The following SLK variants were observed in gnomAD, a reference collection of about 807,000 sequenced individuals.
SLK encodes the protein STE20 like kinase, also known as STE20-like serine/threonine-protein kinase.
Under a neutral mutation model 147.7 loss-of-function variants are expected in SLK, and 67 were observed. The ratio of observed to expected loss-of-function variants is 0.45; its 90% CI spans 0.37 to 0.56. SLK has a LOEUF of 0.56. SLK is among the 20% of genes least tolerant of loss of function. SLK has a pLI of 0.00. For synonymous variants in SLK, 441 were observed against 475.0 expected, an observed-to-expected ratio of 0.93 and a Z score of 0.93; for missense variants, 1,136 against 1,438.8, an observed-to-expected ratio of 0.79 and a Z score of 3.41.
intron 18 of SLK, among the ~76,000 whole-genome samples, chr10:104,023,923 A>G (rs923509917): frequency 6.6e-6 from 1 of 152,242 alleles, no homozygotes; most frequent in African/African-American, 2.4e-5. Flanking sequence ...GTATAAACTC[A>G]GTAGAGAGAA....
chr10:104,008,861 C>T (rs1361461718), intron 12 of SLK, among the ~76,000 whole-genome samples: 1 of 152,036 alleles, frequency 6.6e-6, no homozygotes, highest in Non-Finnish European at 1.5e-5. Context: ...AGCTTTATTG[C>T]CTTTCATGGG....
Position 103,975,797 on chromosome 10 carries a change from C to T in SLK, c.150+7902C>T, listed in dbSNP as rs75704375. Among the ~76,000 whole-genome samples the T allele has an allele frequency of 6.8e-3, 1,028 of 152,210 alleles. 6 individuals carry two copies. The highest frequency in any genetic ancestry group is 0.031 in the Middle Eastern group (9 of 294). ...TATGTTAAAAATATGATTCACGGCC[C>T]GGTGCAGGGGCTCACGCCTGTAATC... On this transcript the variant is annotated intron_variant, in intron 1 of 18. Transcript: ENST00000369755.
chr10:103,990,607 A>G, intron 1 of SLK, 68 bp from the exon 2 acceptor site: 1 of 917,872 alleles, frequency 1.1e-6, no homozygotes, highest in Middle Eastern at 3.2e-4. Context: ...CTTAAAATCT[A>G]TTAAAATAAT....
intron 17 of SLK, among the ~76,000 whole-genome samples, chr10:104,020,983 T>G (rs1013544993): frequency 4.6e-5 from 7 of 152,232 alleles, no homozygotes; most frequent in African/African-American, 1.7e-4. Context: ...TTAAAATTTC[T>G]TTTCCATTTA....
At position 104,025,854 on chromosome 10, in the gene SLK, TTTTTTG is replaced by T; in HGVS notation, c.*139_*144del. ...CTTCTAGGTGTTTTCCTTTTTTGTT[TTTTTTG>T]TTTTGTTTTGTTTTTAAGCAAAGAT... On this transcript the variant is annotated 3_prime_UTR_variant, in exon 19 of 19. Transcript: ENST00000369755. 1.3e-6 allele frequency: 1 copy of T among 781,520 alleles called. No homozygotes were observed. Among genetic ancestry groups the T allele is most frequent in the Non-Finnish European group, 1.9e-6 (1 of 517,830 alleles). 48.4% of individuals were successfully genotyped at this position (781,520 alleles called of 1,614,324 possible).
Position 103,999,251 on chromosome 10 carries a change from A to G in SLK, c.720A>G (p.Pro240=), listed in dbSNP as rs376604412. ...AACCACCTCATCATGAATTAAATCCAATGCGAGTGCTGCTAAAAATAGCAA... is the reference window on the plus strand; with the variant it reads ...AACCACCTCATCATGAATTAAATCCGATGCGAGTGCTGCTAAAAATAGCAA... ...EIEPPHHELN[P]MRVLLKIAKS... Residue 240 remains proline, a synonymous_variant, in exon 6 of 19, where the codon CCA becomes CCG. Coordinates refer to ENST00000369755, the MANE Select transcript of SLK (RefSeq NM_014720.4). The G allele has an allele frequency of 9.3e-6, 15 of 1,613,806 alleles. No homozygotes were observed. In the African/African-American group the frequency reaches 1.9e-4, roughly 20 times the overall value.
In SLK at chr10:103,998,899, C is replaced by G; in HGVS notation, c.515C>G (p.Ala172Gly). 1.9e-6 allele frequency: 3 copies of G among 1,606,766 alleles called. No homozygotes were observed. The highest frequency in any genetic ancestry group is 2.6e-6 in the Non-Finnish European group (3 of 1,173,868). Residue 172 changes from alanine (A) to glycine (G), a missense_variant and splice_region_variant, in exon 5 of 19, where the codon GCG (alanine) becomes GGG (glycine). Physicochemically the swap from Ala to Gly is moderately conservative, Grantham distance 60. Transcript: ENST00000369755. Reference protein sequence around the residue: ...LFTLDGDIKLADFGVSAKNTR... With the variant: ...LFTLDGDIKLGDFGVSAKNTR... The stretch of plus-strand genomic sequence containing the variant: ...AATGCTTTTGTGTGATTATTTCAAG[C>G]GGATTTTGGAGTATCAGCTAAAAAC...
chr10:103,998,708 A>AG (rs1326711374), intron 4 of SLK, among the ~76,000 whole-genome samples, 191 bp from the exon 5 acceptor site: 1 of 152,164 alleles, frequency 6.6e-6, no homozygotes, highest in Non-Finnish European at 1.5e-5. Flanking sequence ...GATCTTTAGC[A>AG]GGTTTTTTTG....
At chr10:103,995,130 C>T (rs1844150008) in intron 4 of SLK, among the ~76,000 whole-genome samples, 1 of 152,118 alleles carries the variant, frequency 6.6e-6, no homozygotes, top group Admixed American at 6.6e-5. Context: ...AAGATAATGA[C>T]TTGGCTGTCT....
chr10:103,978,679 TA>T (rs1843901833), intron 1 of SLK, among the ~76,000 whole-genome samples: 1 of 152,222 alleles, frequency 6.6e-6, no homozygotes, highest in South Asian at 2.1e-4. Context: ...TGTTTCTTAC[TA>T]ACGTGTTTTT....
chr10:104,001,903 A>T (rs1844253222), intron 8 of SLK, among the ~76,000 whole-genome samples: 1 of 152,034 alleles, frequency 6.6e-6, no homozygotes, highest in South Asian at 2.1e-4. Flanking sequence ...TTTAGTAGAG[A>T]TGGGGTTTCA....
At chr10:103,985,336 C>T (rs534921060) in intron 1 of SLK, among the ~76,000 whole-genome samples, 1 of 152,122 alleles carries the variant, frequency 6.6e-6, no homozygotes, top group Non-Finnish European at 1.5e-5. Flanking sequence ...TGTTGTTTGT[C>T]TTTGTGTTTT....
At chr10:103,990,402 G>A (rs1172863629) in intron 1 of SLK, among the ~76,000 whole-genome samples, 1 of 152,168 alleles carries the variant, frequency 6.6e-6, no homozygotes, top group Admixed American at 6.5e-5. Flanking sequence ...GTGTTGATGG[G>A]GGGGTGGTTA....
intron 4 of SLK, among the ~76,000 whole-genome samples, chr10:103,997,866 T>C (rs1844196707): frequency 6.6e-6 from 1 of 152,128 alleles, no homozygotes; most frequent in African/African-American, 2.4e-5. Flanking sequence ...TTTTTGTAAA[T>C]ATATTGAAAT....
intron 18 of SLK, 92 bp downstream of exon 18, chr10:104,021,825 CAG>C (rs1844538747): frequency 1.3e-5 from 9 of 695,634 alleles, no homozygotes; most frequent in Middle Eastern, 2.4e-4. Context: ...GGTACAGTGT[CAG>C]GGGCAGGAAA....
intron 17 of SLK, 35 bp from the exon 18 acceptor site, chr10:104,021,585 T>A: frequency 8.4e-7 from 1 of 1,193,992 alleles, no homozygotes; most frequent in Non-Finnish European, 1.2e-6. Flanking sequence ...GCTTAGTTGA[T>A]CTGAAATTTT....
chr10:103,996,406 T>TC (rs1844173934), intron 4 of SLK, among the ~76,000 whole-genome samples: 1 of 148,472 alleles, frequency 6.7e-6, no homozygotes, highest in Admixed American at 6.7e-5. Context: ...TTTTCTTTTT[T>TC]TTTTTTTTTT....
At chr10:103,980,427 G>A (rs929843748) in intron 1 of SLK, among the ~76,000 whole-genome samples, 2 of 152,062 alleles carry the variant, frequency 1.3e-5, no homozygotes, top group Non-Finnish European at 2.9e-5. Flanking sequence ...TGTCACCACT[G>A]TCTGTCCATC....
chr10:103,978,762 A>G (rs1843902715), intron 1 of SLK, among the ~76,000 whole-genome samples: 1 of 152,170 alleles, frequency 6.6e-6, no homozygotes, highest in African/African-American at 2.4e-5. Flanking sequence ...CTTTTAATTT[A>G]TAAGATGATC....
Sources: gnomAD v4.1 joint callset for allele counts (sites outside exome capture counted in the v4.1 genomes callset) on GRCh38, gnomAD v4.1.1 for gene constraint, MANE v1.5 for transcripts, NCBI Gene and HGNC (gene_info 2026-07-23, HGNC 2026-07-21) for gene names.